Variants in XPNPEP3 observed in about 807,000 individuals in gnomAD.
The protein encoded by XPNPEP3 is X-prolyl aminopeptidase 3, also known as xaa-Pro aminopeptidase 3.
XPNPEP3 carries 41 observed loss-of-function variants against 60.0 expected under a neutral mutation model. The observed-to-expected ratio is 0.68, with a 90% CI of 0.53 to 0.89. The LOEUF (loss-of-function observed/expected upper bound fraction) is 0.89, where lower values mean the gene tolerates loss of function less well. Among genes scored for constraint, XPNPEP3 ranks in the 40% least tolerant of loss-of-function variants. The pLI is 0.00. For synonymous variants in XPNPEP3, 212 were observed against 223.2 expected, an observed-to-expected ratio of 0.95 and a Z score of 0.45; for missense variants, 598 against 638.9, an observed-to-expected ratio of 0.94 and a Z score of 0.69.
At chr22:40,896,921 T>C (rs1435853067) in intron 4 of XPNPEP3, among the ~76,000 whole-genome samples, 1 of 148,632 alleles carries the variant, frequency 6.7e-6, no homozygotes, top group Non-Finnish European at 1.5e-5. Context: ...ACTGGCTTAC[T>C]TCACTTAGTA....
chr22:40,926,362 C>A lies in XPNPEP3; in HGVS notation c.1451C>A (p.Ser484Ter). ...IEDDVVVTQDSPLILSADCPK... is the reference protein window; with the variant it reads ...IEDDVVVTQD ...GATGATGTAGTGGTGACTCAGGACT[C>A]ACCTCTCATCCTTTCTGCAGACTGT... The change falls in exon 10 of 10, where the codon TCA becomes TAA. Residue 484 changes from serine (S) to a stop codon, truncating the protein, a stop_gained. Transcript: ENST00000357137. LOFTEE classifies it high-confidence loss of function. The A allele has an allele frequency of 6.2e-7, 1 of 1,614,164 alleles. No individual in the cohort carries two copies. The highest frequency in any genetic ancestry group is 1.3e-5 in the African/African-American group (1 of 75,044).
At chr22:40,863,042 A>G (rs1224440331) in intron 1 of XPNPEP3, among the ~76,000 whole-genome samples, 1 of 152,248 alleles carries the variant, frequency 6.6e-6, no homozygotes, top group South Asian at 2.1e-4. Flanking sequence ...AGTCAGCCAC[A>G]TAGTGATCTA....
chr22:40,893,125 ATATATTG>A (rs1260701706), intron 4 of XPNPEP3, among the ~76,000 whole-genome samples: 2 of 147,240 alleles, frequency 1.4e-5, no homozygotes, highest in African/African-American at 2.5e-5. Flanking sequence ...AATATATATT[ATATATTG>A]TATATTATAT....
At chr22:40,908,994 A>G (rs921479991) in intron 5 of XPNPEP3, 128 bp from the exon 6 acceptor site, 4 of 753,320 alleles carry the variant, frequency 5.3e-6, no homozygotes, top group Non-Finnish European at 9.6e-6. Flanking sequence ...TTGGTTAGAT[A>G]TGATGAATAG....
intron 1 of XPNPEP3, chr22:40,862,147 A>G: frequency 6.9e-7 from 1 of 1,446,132 alleles, no homozygotes; most frequent in Non-Finnish European, 9.1e-7. Context: ...CTAAGAGATG[A>G]GGATACTGAT....
chr22:40,916,300 GAAAA>G (rs980489442), intron 7 of XPNPEP3, among the ~76,000 whole-genome samples: 3 of 137,458 alleles, frequency 2.2e-5, no homozygotes, highest in African/African-American at 8.0e-5. Context: ...TCAAACAAAG[GAAAA>G]AAAAAAAGAA....
intron 2 of XPNPEP3, among the ~76,000 whole-genome samples, chr22:40,876,808 T>C (rs925947256): frequency 1.3e-5 from 2 of 152,248 alleles, no homozygotes; most frequent in Non-Finnish European, 2.9e-5. Flanking sequence ...TTACATTTTT[T>C]ATAAGACATC....
At position 40,909,230 on chromosome 22, in the gene XPNPEP3, A is replaced by C. The variant is rs368442371; in HGVS notation, c.964A>C (p.Ile322Leu). The change falls in exon 6 of 10, where the codon ATC becomes CTC. Residue 322 changes from isoleucine to leucine, a missense_variant. Physicochemically the swap from Ile to Leu is conservative, Grantham distance 5. Coordinates refer to ENST00000357137, the MANE Select transcript of XPNPEP3 (RefSeq NM_022098.4). ...TLHYVKNNQL[I>L]KDGEMVLLDG... ...GCACTATGTGAAAAATAATCAACTCATCAAGGTACGTGAGATGCCCTCAGT... is the reference window on the plus strand; with the variant it reads ...GCACTATGTGAAAAATAATCAACTCCTCAAGGTACGTGAGATGCCCTCAGT... 3.7e-6 allele frequency: 6 copies of C among 1,613,858 alleles called. No individual in the cohort carries two copies. Among genetic ancestry groups the C allele is most frequent in the African/African-American group, 1.3e-5 (1 of 74,934 alleles).
chr22:40,910,931 C>T (rs1185039963), intron 6 of XPNPEP3, among the ~76,000 whole-genome samples: 1 of 152,152 alleles, frequency 6.6e-6, no homozygotes, highest in African/African-American at 2.4e-5. Flanking sequence ...TCACTTGAAC[C>T]AGGGAGTCGG....
intron 6 of XPNPEP3, among the ~76,000 whole-genome samples, chr22:40,911,500 A>G (rs916937787): frequency 2.0e-5 from 3 of 147,534 alleles, no homozygotes; most frequent in Non-Finnish European, 4.5e-5. Flanking sequence ...TAAACTCCTC[A>G]TTCAGTATCT....
intron 2 of XPNPEP3, among the ~76,000 whole-genome samples, chr22:40,871,156 A>G (rs1236200196): frequency 2.0e-5 from 3 of 152,178 alleles, no homozygotes; most frequent in Non-Finnish European, 1.5e-5. Context: ...TGAGGTTAGG[A>G]GTTCGAGACG....
At chr22:40,892,214 A>G (rs1406936504) in intron 4 of XPNPEP3, among the ~76,000 whole-genome samples, 5 of 151,860 alleles carry the variant, frequency 3.3e-5, no homozygotes, top group Admixed American at 3.3e-4. Flanking sequence ...TTGAGACGGA[A>G]TCGCTGTGTC....
intron 7 of XPNPEP3, among the ~76,000 whole-genome samples, chr22:40,921,253 CCTT>C (rs1356081029): frequency 2.6e-5 from 4 of 152,118 alleles, no homozygotes; most frequent in East Asian, 3.8e-4. Flanking sequence ...ACAGGGTTAA[CCTT>C]CTCAGACGGG....
In XPNPEP3 at chr22:40,909,161, GC is replaced by G; in HGVS notation, c.897del (p.Tyr300IlefsTer17). The G allele has an allele frequency of 6.2e-7, 1 of 1,614,198 alleles. No homozygotes were observed. The highest frequency in any genetic ancestry group is 8.5e-7 in the Non-Finnish European group (1 of 1,180,048). ...ECRARGADIL[A>X]YPPVVAGGNR... ...CCGGGCTCGTGGCGCAGACATTTTAGCCTATCCACCTGTGGTGGCTGGTGGT... is the reference window on the plus strand; with the variant it reads ...CCGGGCTCGTGGCGCAGACATTTTAGCTATCCACCTGTGGTGGCTGGTGGT... On this transcript the variant is annotated frameshift_variant, in exon 6 of 10. Transcript: ENST00000357137. LOFTEE classifies it high-confidence loss of function.
In XPNPEP3 at chr22:40,882,168, A is replaced by G. The variant is rs1475026739; in HGVS notation, c.580A>G (p.Lys194Glu). 3.1e-6 allele frequency: 5 copies of G among 1,614,204 alleles called. No individual in the cohort carries two copies. In the African/African-American group the frequency reaches 4.0e-5, roughly 13 times the overall value. ...AGAAGAATTTCAACATCTTCTACCA[A>G]AAATGAAAGGTAACAAATGGGAGCA... The part of the protein sequence containing the change: ...TLEEFQHLLP[K>E]MKAETNMVWY... Residue 194 changes from lysine to glutamate, a missense_variant, in exon 3 of 10, where the codon AAA (lysine) becomes GAA (glutamate). Physicochemically the swap from Lys to Glu is moderately conservative, Grantham distance 56. Coordinates refer to ENST00000357137, the MANE Select transcript of XPNPEP3 (RefSeq NM_022098.4).
intron 4 of XPNPEP3, among the ~76,000 whole-genome samples, chr22:40,894,191 C>T (rs1227852746): frequency 6.6e-6 from 1 of 152,014 alleles, no homozygotes; most frequent in Non-Finnish European, 1.5e-5. Flanking sequence ...AGCAAGACTC[C>T]GTTTCTTAAG....
At chr22:40,919,922 C>G (rs937792047) in intron 7 of XPNPEP3, among the ~76,000 whole-genome samples, 1 of 152,168 alleles carries the variant, frequency 6.6e-6, no homozygotes, top group African/African-American at 2.4e-5. Context: ...ACCTTCTACC[C>G]TCACTGAGCA....
rs1044996588 is a variant in XPNPEP3, at chr22:40,862,472, A to T, written c.64+5227A>T. 10 of 986,116 alleles carry T rather than the reference A, an allele frequency of 1.0e-5. No homozygotes were observed. In the Admixed American group the frequency reaches 6.1e-4, roughly 61 times the overall value. The allele number at this position is 986,116 out of a possible 1,614,324, so 61.1% of individuals were successfully genotyped here. On this transcript the variant is annotated intron_variant, in intron 1 of 9. Coordinates refer to ENST00000357137, the MANE Select transcript of XPNPEP3 (RefSeq NM_022098.4). The stretch of plus-strand genomic sequence containing the variant: ...ATGAAGTACTGACTTACGGGTGAAG[A>T]AAGTATTCAAACAGTTGACATATTT...
rs1048622439 is a variant in XPNPEP3 at position 40,930,929 on chromosome 22, A to C, written c.*4494A>C. The C allele has an allele frequency of 6.6e-6, 1 of 151,700 alleles. No individual in the cohort carries two copies. Among genetic ancestry groups the C allele is most frequent in the East Asian group, 1.9e-4 (1 of 5,170 alleles). The allele number at this position is 151,700 out of a possible 1,614,324, so 9.4% of individuals were successfully genotyped here. On this transcript the variant is annotated 3_prime_UTR_variant, in exon 10 of 10. Coordinates refer to ENST00000357137, the MANE Select transcript of XPNPEP3 (RefSeq NM_022098.4). ...AGTGGCGCCATCTTGGCTCACTGCAACCTCCAACTCCCTGGTTCAAGCAGT... is the reference window on the plus strand; with the variant it reads ...AGTGGCGCCATCTTGGCTCACTGCACCCTCCAACTCCCTGGTTCAAGCAGT...
Sources: gnomAD v4.1 joint callset for allele counts (sites outside exome capture counted in the v4.1 genomes callset) on GRCh38, gnomAD v4.1.1 for gene constraint, MANE v1.5 for transcripts, NCBI Gene and HGNC (gene_info 2026-07-23, HGNC 2026-07-21) for gene names.